Variants in CCSER1 observed in about 807,000 individuals in gnomAD.
CCSER1 encodes the protein serine-rich coiled-coil domain-containing protein 1.
Under a neutral mutation model 82.0 loss-of-function variants are expected in CCSER1, and 41 were observed. The ratio of observed to expected loss-of-function variants is 0.50; its 90% CI spans 0.39 to 0.65. The LOEUF is 0.65. Ranked by LOEUF, CCSER1 falls within the 30% of genes least tolerant of loss-of-function variation. The pLI, the probability that CCSER1 is intolerant of heterozygous loss-of-function variation, is 0.00. For synonymous variants in CCSER1, 414 were observed against 383.9 expected (o/e 1.08, Z -0.92); for missense variants, 1,119 against 1,064.2 (o/e 1.05, Z -0.72).
intron 7 of CCSER1, among the ~76,000 whole-genome samples, chr4:90,731,570 T>G (rs572359457): frequency 6.6e-6 from 1 of 152,272 alleles, no homozygotes; most frequent in Non-Finnish European, 1.5e-5. Context: ...ATAAAATTCT[T>G]TGAGGGATAG....
At chr4:90,660,075 T>A (rs1395627432) in intron 6 of CCSER1, among the ~76,000 whole-genome samples, 16 of 151,970 alleles carry the variant, frequency 1.1e-4, no homozygotes, top group Non-Finnish European at 5.9e-5. Flanking sequence ...TTATACACTG[T>A]TGGTGGAAAT....
chr4:91,078,022 A>G (rs1722205161), intron 9 of CCSER1, among the ~76,000 whole-genome samples: 1 of 152,250 alleles, frequency 6.6e-6, no homozygotes, highest in South Asian at 2.1e-4. Context: ...GGGGCAGGGC[A>G]TAGCCGAACA....
intron 1 of CCSER1, among the ~76,000 whole-genome samples, chr4:90,232,042 T>A (rs1207473495): frequency 9.2e-5 from 14 of 152,162 alleles, no homozygotes; most frequent in Middle Eastern, 3.4e-3. Flanking sequence ...AAATGGCCAT[T>A]CTGCCCAAGG....
intron 9 of CCSER1, among the ~76,000 whole-genome samples, chr4:91,048,897 G>A (rs375231265): frequency 1.3e-5 from 2 of 152,196 alleles, no homozygotes; most frequent in East Asian, 3.9e-4. Flanking sequence ...TTCTCTGCGA[G>A]TTCATCCCAT....
At chr4:90,381,960 T>A (rs1749276330) in intron 3 of CCSER1, among the ~76,000 whole-genome samples, 1 of 152,120 alleles carries the variant, frequency 6.6e-6, no homozygotes, top group Non-Finnish European at 1.5e-5. Flanking sequence ...TGAACTAGAT[T>A]TCTGTTAATT....
intron 1 of CCSER1, among the ~76,000 whole-genome samples, chr4:90,176,029 G>C (rs1016505987): frequency 1.3e-5 from 2 of 151,958 alleles, no homozygotes; most frequent in African/African-American, 4.8e-5. Flanking sequence ...TTCATAAAAT[G>C]AAAAAGCTGT....
intron 8 of CCSER1, among the ~76,000 whole-genome samples, chr4:90,913,775 C>G (rs1229487786): frequency 6.6e-6 from 1 of 150,924 alleles, no homozygotes; most frequent in Non-Finnish European, 1.5e-5. Context: ...CAGATAGGCC[C>G]AAAATAAAGG....
chr4:91,574,643 T>A (rs980234888), intron 10 of CCSER1, among the ~76,000 whole-genome samples: 5 of 152,066 alleles, frequency 3.3e-5, no homozygotes, highest in Admixed American at 2.6e-4. Flanking sequence ...ATTGCAGGAA[T>A]AGAAAACTAA....
At chr4:90,390,591 T>C (rs1186066498) in intron 3 of CCSER1, among the ~76,000 whole-genome samples, 3 of 152,208 alleles carry the variant, frequency 2.0e-5, no homozygotes, top group African/African-American at 4.8e-5. Context: ...CCTCCATCCA[T>C]GTTGCTGCAA....
rs1001415998 is a variant in CCSER1, at chr4:90,422,974, G to A, written c.1603+22845G>A. On this transcript the variant is annotated intron_variant, in intron 4 of 10. Coordinates refer to ENST00000509176, the MANE Select transcript of CCSER1 (RefSeq NM_001145065.2). ...CTTCCATATTCGATAATGATGACTT[G>A]GGAAGTCTCTTTTGTTTTCTCCTTG... Among the ~76,000 whole-genome samples, 45 of 152,060 alleles carry A rather than the reference G, an allele frequency of 3.0e-4. 1 individual carries two copies. Among genetic ancestry groups the A allele is most frequent in the African/African-American group, 1.1e-3 (45 of 41,404 alleles).
chr4:90,887,128 T>C (rs1722247735), intron 8 of CCSER1, among the ~76,000 whole-genome samples: 1 of 152,184 alleles, frequency 6.6e-6, no homozygotes, highest in South Asian at 2.1e-4. Context: ...TCTGGTTATG[T>C]GATACAGAAT....
At chr4:91,408,100 T>C (rs1177615739) in intron 10 of CCSER1, among the ~76,000 whole-genome samples, 2 of 152,042 alleles carry the variant, frequency 1.3e-5, no homozygotes, top group Non-Finnish European at 2.9e-5. Context: ...GAGATGAATG[T>C]CTAGAGTACA....
At chr4:91,547,277 T>G (rs1194268117) in intron 10 of CCSER1, among the ~76,000 whole-genome samples, 2 of 152,214 alleles carry the variant, frequency 1.3e-5, no homozygotes, top group Non-Finnish European at 2.9e-5. Context: ...CTGCTGGATT[T>G]GCATATTTCT....
intron 8 of CCSER1, among the ~76,000 whole-genome samples, chr4:90,835,202 A>G (rs578008584): frequency 9.5e-4 from 144 of 152,072 alleles, no homozygotes; most frequent in Non-Finnish European, 1.6e-3. Context: ...GTGGTGGTGG[A>G]CGCCTGTAGT....
chr4:91,303,905 G>T (rs563018682), intron 10 of CCSER1, among the ~76,000 whole-genome samples: 64 of 152,128 alleles, frequency 4.2e-4, no homozygotes, highest in African/African-American at 1.5e-3. Flanking sequence ...AAACTGTGGA[G>T]CAGGGTGGGA....
At chr4:91,192,495 A>G (rs1177522357) in intron 10 of CCSER1, among the ~76,000 whole-genome samples, 1 of 152,102 alleles carries the variant, frequency 6.6e-6, no homozygotes, top group Non-Finnish European at 1.5e-5. Flanking sequence ...GAAATTATCT[A>G]TTTTACTTGA....
chr4:90,644,081 T>G (rs1433986665), intron 6 of CCSER1, among the ~76,000 whole-genome samples: 1 of 152,220 alleles, frequency 6.6e-6, no homozygotes, highest in Admixed American at 6.5e-5. Context: ...AGCCTCACGT[T>G]TGTTGCAGAG....
chr4:91,587,940 CAAAAAAT>C (rs1427488602), intron 10 of CCSER1, among the ~76,000 whole-genome samples: 1 of 150,640 alleles, frequency 6.6e-6, no homozygotes, highest in Admixed American at 6.6e-5. Flanking sequence ...AATATTATAT[CAAAAAAT>C]AAAAATATTT....
chr4:90,724,369 A>C (rs555442335), intron 7 of CCSER1, among the ~76,000 whole-genome samples: 2 of 152,090 alleles, frequency 1.3e-5, no homozygotes, highest in African/African-American at 4.8e-5. Flanking sequence ...TAGCAATGCT[A>C]GGTTACCAAT....
Sources: allele counts gnomAD v4.1 joint callset (sites outside exome capture counted in the v4.1 genomes callset), GRCh38; gene constraint gnomAD v4.1.1; transcripts MANE v1.5; gene names NCBI Gene and HGNC (gene_info 2026-07-23, HGNC 2026-07-21).